FBXO33: variants seen among roughly 807,000 people sequenced by gnomAD.
The protein encoded by FBXO33 is F-box only protein 33.
A neutral mutation model predicts 46.3 loss-of-function variants in FBXO33; 22 were observed. The ratio of observed to expected loss-of-function variants is 0.48; its 90% CI spans 0.34 to 0.68. FBXO33 has a LOEUF of 0.68. FBXO33 is among the 30% of genes least tolerant of loss of function. FBXO33 has a pLI of 0.01. For synonymous variants in FBXO33, 337 were observed against 291.3 expected, an observed-to-expected ratio of 1.16 and a Z score of -1.60; for missense variants, 692 against 708.8, an observed-to-expected ratio of 0.98 and a Z score of 0.27.
chr14:39,410,082 G>T (rs1567074716), intron 1 of FBXO33, among the ~76,000 whole-genome samples: 1 of 152,190 alleles, frequency 6.6e-6, no homozygotes, highest in Non-Finnish European at 1.5e-5. Flanking sequence ...GAAGTGGCAA[G>T]AGCAGGCATC....
intron 1 of FBXO33, among the ~76,000 whole-genome samples, chr14:39,430,091 C>T (rs1174423222): frequency 6.6e-6 from 1 of 152,196 alleles, no homozygotes; most frequent in East Asian, 1.9e-4. Context: ...CACCCTCAAC[C>T]TTGGTCTCAT....
Position 39,432,252 on chromosome 14 carries a change from G to T in FBXO33, c.-90C>A. 10 of 1,065,116 alleles carry T rather than the reference G, an allele frequency of 9.4e-6. No individual in the cohort carries two copies. The highest frequency in any genetic ancestry group is 1.2e-5 in the Non-Finnish European group (10 of 855,388). 66.0% of individuals were successfully genotyped at this position (1,065,116 alleles called of 1,614,324 possible). ...TGTGGAGAGGGGGAAAGGCCTCTGC[G>T]GGCGTGGCCTGCCGGGAGCCAGCCT... On this transcript the variant is annotated 5_prime_UTR_variant, in exon 1 of 4. Transcript: ENST00000298097.
intron 1 of FBXO33, among the ~76,000 whole-genome samples, chr14:39,424,065 G>A (rs574441498): frequency 2.4e-4 from 37 of 152,290 alleles, no homozygotes; most frequent in African/African-American, 7.0e-4. Flanking sequence ...TTGGTTTTCC[G>A]TTTCTGTGTT....
At chr14:39,408,675 T>C (rs1246519894) in intron 1 of FBXO33, among the ~76,000 whole-genome samples, 3 of 31,490 alleles carry the variant, frequency 9.5e-5, no homozygotes, top group Non-Finnish European at 4.0e-4. Context: ...ACCATGCCTA[T>C]TTTTTTTTTT....
intron 1 of FBXO33, among the ~76,000 whole-genome samples, chr14:39,428,581 T>A (rs1481514545): frequency 6.6e-6 from 1 of 152,154 alleles, no homozygotes; most frequent in Non-Finnish European, 1.5e-5. Context: ...TGTAAAACAT[T>A]TATACAGCCC....
chr14:39,414,049 C>A (rs187377945), intron 1 of FBXO33, among the ~76,000 whole-genome samples: 1 of 152,342 alleles, frequency 6.6e-6, no homozygotes, highest in Non-Finnish European at 1.5e-5. Context: ...ATTGGCTTGT[C>A]TCTAGCTATC....
At chr14:39,417,872 G>C (rs944446923) in intron 1 of FBXO33, among the ~76,000 whole-genome samples, 1 of 152,072 alleles carries the variant, frequency 6.6e-6, no homozygotes, top group African/African-American at 2.4e-5. Context: ...GCAAAGGCTA[G>C]GACTTCCTAC....
At chr14:39,411,110 T>C (rs2075419842) in intron 1 of FBXO33, among the ~76,000 whole-genome samples, 1 of 152,210 alleles carries the variant, frequency 6.6e-6, no homozygotes, top group African/African-American at 2.4e-5. Flanking sequence ...TTTTCTTTTT[T>C]TTTGAGACAG....
In FBXO33 at chr14:39,399,807, C is replaced by T. The variant is rs1043187222; in HGVS notation, c.1397-20G>A. 7 of 1,514,932 alleles carry T rather than the reference C, an allele frequency of 4.6e-6. No individual in the cohort carries two copies. In the East Asian group the frequency reaches 1.1e-4, roughly 25 times the overall value. The allele number at this position is 1,514,932 out of a possible 1,614,324, so 93.8% of individuals were successfully genotyped here. ...TGTAACCTGAAAAATAAACAAAAGA[C>T]AACACTGTAATTTCCTTGCATTTCC... On this transcript the variant is annotated intron_variant, in intron 3 of 3. Transcript: ENST00000298097.
chr14:39,416,010 T>G (rs779674154), intron 1 of FBXO33, among the ~76,000 whole-genome samples: 29 of 152,206 alleles, frequency 1.9e-4, no homozygotes, highest in Non-Finnish European at 3.7e-4. Context: ...TTACAGTGAT[T>G]TATTAACCAG....
At chr14:39,426,167 A>AT (rs905389323) in intron 1 of FBXO33, among the ~76,000 whole-genome samples, 9 of 151,964 alleles carry the variant, frequency 5.9e-5, no homozygotes, top group Non-Finnish European at 1.0e-4. Flanking sequence ...TTTCATATTT[A>AT]TTTTTTTAAC....
intron 3 of FBXO33, 124 bp downstream of exon 3, chr14:39,401,052 G>C: frequency 1.1e-6 from 1 of 875,380 alleles, no homozygotes; most frequent in Non-Finnish European, 1.7e-6. Context: ...AAAAGCATAA[G>C]AATCTGTATA....
Position 39,401,329 on chromosome 14 carries a change from A to G in FBXO33, c.1243T>C (p.Ser415Pro). 1 of 1,614,166 alleles carries G rather than the reference A, an allele frequency of 6.2e-7. No homozygotes were observed. Among genetic ancestry groups the G allele is most frequent in the Non-Finnish European group, 8.5e-7 (1 of 1,180,020 alleles). Reference sequence around the variant, plus strand: ...GTGAGGAACTTGTCATATTGCCTGGATATAAGATCAACAATAGCCCCTGAA... The same window carrying G: ...GTGAGGAACTTGTCATATTGCCTGGGTATAAGATCAACAATAGCCCCTGAA... ...CVSGAIVDLI[S>P]RQYDKFLTHF... The change falls in exon 3 of 4, where the codon TCC becomes CCC. Residue 415 changes from serine (S) to proline (P), a missense_variant. This residue lies in a region of FBXO33 where 186 missense variants were observed against 246.1 expected (regional missense o/e 0.76). Coordinates refer to ENST00000298097, the MANE Select transcript of FBXO33 (RefSeq NM_203301.4).
At chr14:39,410,578 G>A (rs1595984075) in intron 1 of FBXO33, among the ~76,000 whole-genome samples, 1 of 152,112 alleles carries the variant, frequency 6.6e-6, no homozygotes, top group Non-Finnish European at 1.5e-5. Context: ...CAACTTTTTC[G>A]AAGAGTTGAA....
At position 39,398,061 on chromosome 14, in the gene FBXO33, A is replaced by C. The variant is rs969565457; in HGVS notation, c.*1455T>G. 1.3e-5 allele frequency: 2 copies of C among 152,680 alleles called. No individual in the cohort carries two copies. Among genetic ancestry groups the C allele is most frequent in the African/African-American group, 2.4e-5 (1 of 41,462 alleles). The allele number at this position is 152,680 out of a possible 1,614,324, so 9.5% of individuals were successfully genotyped here. A position where few individuals can be genotyped will look rare whatever the true frequency, so the allele number is the denominator to read the frequency against. ...GTAAAACCATTTGTAAAACACATAT[A>C]AACTTTTTTCCATAAATAGAATCAT... On this transcript the variant is annotated 3_prime_UTR_variant, in exon 4 of 4. Transcript: ENST00000298097.
chr14:39,402,073 C>T (rs867225412), intron 2 of FBXO33, among the ~76,000 whole-genome samples: 13 of 152,060 alleles, frequency 8.5e-5, no homozygotes, highest in Admixed American at 4.6e-4. Flanking sequence ...CTATTAAACA[C>T]GTAGAAATAT....
At chr14:39,422,574 T>C (rs930050024) in intron 1 of FBXO33, among the ~76,000 whole-genome samples, 2 of 152,234 alleles carry the variant, frequency 1.3e-5, no homozygotes, top group Non-Finnish European at 2.9e-5. Context: ...CCTTCCTCCT[T>C]ACCTGGCTGA....
intron 1 of FBXO33, among the ~76,000 whole-genome samples, chr14:39,411,948 A>G (rs1360093217): frequency 6.6e-6 from 1 of 152,150 alleles, no homozygotes; most frequent in Non-Finnish European, 1.5e-5. Flanking sequence ...AATCTTCTTA[A>G]ATTTGTTAAG....
chr14:39,399,421 C>T lies in FBXO33; in HGVS notation c.*95G>A. ...TTCTATAAAGCTAATACTGATTAAACACAGCACAAAAGGATTAATTCACAC... is the reference window on the plus strand; with the variant it reads ...TTCTATAAAGCTAATACTGATTAAATACAGCACAAAAGGATTAATTCACAC... On this transcript the variant is annotated 3_prime_UTR_variant, in exon 4 of 4. Transcript: ENST00000298097. The T allele has an allele frequency of 9.1e-7, 1 of 1,100,168 alleles. No individual in the cohort carries two copies. The highest frequency in any genetic ancestry group is 1.3e-6 in the Non-Finnish European group (1 of 776,496). The allele number at this position is 1,100,168 out of a possible 1,614,324, so 68.2% of individuals were successfully genotyped here. A position where few individuals can be genotyped will look rare whatever the true frequency, so the allele number is the denominator to read the frequency against.
Sources: allele counts gnomAD v4.1 joint callset (sites outside exome capture counted in the v4.1 genomes callset), GRCh38; gene constraint gnomAD v4.1.1; regional missense constraint gnomAD v4.1.1; transcripts MANE v1.5; gene names NCBI Gene and HGNC (gene_info 2026-07-23, HGNC 2026-07-21).